TENM3: variants seen among roughly 807,000 people sequenced by gnomAD.
The protein encoded by TENM3 is teneurin transmembrane protein 3, also known as teneurin-3.
TENM3 carries 63 observed loss-of-function variants against 255.1 expected under a neutral mutation model. The observed-to-expected ratio is 0.25, with a 90% CI of 0.20 to 0.30. The LOEUF (loss-of-function observed/expected upper bound fraction) is 0.30. Among genes scored for constraint, TENM3 ranks in the 10% least tolerant of loss-of-function variants. The probability of loss-of-function intolerance (pLI) is 1.00; values close to 1 mark genes in which losing one functional copy is unlikely to be tolerated. For missense variants in TENM3, 2,929 were observed against 3,461.1 expected (o/e 0.85, Z 3.86); for synonymous variants, 1,306 against 1,322.3 (o/e 0.99, Z 0.27).
chr4:182,001,117 A>C, the TENM3 span, among the ~76,000 whole-genome samples: 1 of 151,546 alleles, frequency 6.6e-6, no homozygotes, highest in Admixed American at 6.6e-5. Context: ...TTTGTATTCA[A>C]ATCCCTATCT....
the TENM3 span, among the ~76,000 whole-genome samples, chr4:181,697,455 G>A: frequency 1.3e-5 from 2 of 152,224 alleles, no homozygotes; most frequent in South Asian, 2.1e-4. Context: ...GTGCAGTGGC[G>A]TGATCTTGGC....
chr4:181,569,043 A>C, the TENM3 span, among the ~76,000 whole-genome samples: 1 of 152,172 alleles, frequency 6.6e-6, no homozygotes, highest in Non-Finnish European at 1.5e-5. Flanking sequence ...AAAAGTAATA[A>C]AAGGTTTTTG....
intron 3 of TENM3, among the ~76,000 whole-genome samples, chr4:182,506,136 A>G (rs1281711008): frequency 6.6e-6 from 1 of 152,194 alleles, no homozygotes; most frequent in Non-Finnish European, 1.5e-5. Context: ...CTGAGCATGA[A>G]CAGTGTGTTG....
At chr4:182,285,401 C>T (rs760432035) in intron 1 of TENM3, among the ~76,000 whole-genome samples, 4 of 152,146 alleles carry the variant, frequency 2.6e-5, no homozygotes, top group Non-Finnish European at 5.9e-5. Flanking sequence ...TCCACATTTA[C>T]AGTCCACGTG....
chr4:182,364,461 GGCTGGAATGC>G (rs761281323), intron 3 of TENM3, among the ~76,000 whole-genome samples: 1 of 152,096 alleles, frequency 6.6e-6, no homozygotes, highest in Non-Finnish European at 1.5e-5. Context: ...CTGTCACCCA[GGCTGGAATGC>G]AGTGGCGCGA....
chr4:182,059,952 G>A, the TENM3 span, among the ~76,000 whole-genome samples: 5,015 of 151,234 alleles, frequency 0.033, 267 homozygotes, highest in African/African-American at 0.11. Context: ...AAAAATCCTA[G>A]TCTATAGAAT....
the TENM3 span, among the ~76,000 whole-genome samples, chr4:181,901,081 G>T: frequency 1.3e-5 from 2 of 152,274 alleles, no homozygotes; most frequent in East Asian, 1.9e-4. Flanking sequence ...TCAAGGGACA[G>T]GAAGAATTTG....
intron 1 of TENM3, among the ~76,000 whole-genome samples, chr4:182,283,560 G>T (rs1216301939): frequency 6.6e-6 from 1 of 152,170 alleles, no homozygotes; most frequent in Non-Finnish European, 1.5e-5. Context: ...TATCTGGTTG[G>T]CTCCCAAGAT....
At chr4:182,658,585 C>T (rs1753956176) in intron 6 of TENM3, among the ~76,000 whole-genome samples, 1 of 152,188 alleles carries the variant, frequency 6.6e-6, no homozygotes, top group African/African-American at 2.4e-5. Flanking sequence ...TCTTAAACTC[C>T]ACGTGTCTAA....
At chr4:181,536,891 G>A in the TENM3 span, among the ~76,000 whole-genome samples, 2 of 152,130 alleles carry the variant, frequency 1.3e-5, no homozygotes, top group Admixed American at 1.3e-4. Flanking sequence ...TATGGAATGA[G>A]GAAATAGGAA....
chr4:182,334,874 G>A (rs887618842), intron 2 of TENM3, among the ~76,000 whole-genome samples: 1 of 152,134 alleles, frequency 6.6e-6, no homozygotes, highest in Admixed American at 6.6e-5. Context: ...GGAATGACTT[G>A]AGCCATGAGT....
chr4:182,263,373 A>C (rs1198779025), intron 1 of TENM3, among the ~76,000 whole-genome samples: 1 of 151,948 alleles, frequency 6.6e-6, no homozygotes, highest in Non-Finnish European at 1.5e-5. Context: ...GAGGCGCTTG[A>C]CCTTGGGTTA....
chr4:182,107,617 G>A, the TENM3 span, among the ~76,000 whole-genome samples: 3 of 152,208 alleles, frequency 2.0e-5, no homozygotes, highest in South Asian at 2.1e-4. Context: ...TCCAGTGAAG[G>A]ATGAATCTGT....
At chr4:182,608,402 G>A (rs1748637304) in intron 4 of TENM3, among the ~76,000 whole-genome samples, 1 of 152,114 alleles carries the variant, frequency 6.6e-6, no homozygotes, top group African/African-American at 2.4e-5. Flanking sequence ...TGGACTACAG[G>A]TGTGGCATGG....
At chr4:181,474,998 A>G in the TENM3 span, among the ~76,000 whole-genome samples, 1 of 152,206 alleles carries the variant, frequency 6.6e-6, no homozygotes, top group African/African-American at 2.4e-5. Context: ...CTTAAAATGA[A>G]TAGCAGCATA....
chr4:182,015,423 C>T, the TENM3 span, among the ~76,000 whole-genome samples: 997 of 152,302 alleles, frequency 6.5e-3, 8 homozygotes, highest in African/African-American at 0.023. Flanking sequence ...CTTAGCTTTT[C>T]TCTGTTTGGA....
At chr4:181,895,605 T>G in the TENM3 span, among the ~76,000 whole-genome samples, 1 of 138,430 alleles carries the variant, frequency 7.2e-6, no homozygotes. Flanking sequence ...AGGGCAGTGG[T>G]GCAGTCATAG....
At chr4:182,438,125 G>A (rs1377120887) in intron 3 of TENM3, among the ~76,000 whole-genome samples, 1 of 152,106 alleles carries the variant, frequency 6.6e-6, no homozygotes, top group Non-Finnish European at 1.5e-5. Flanking sequence ...TACACAGCTG[G>A]TCAGAAGAAT....
chr4:181,961,107 A>G, the TENM3 span, among the ~76,000 whole-genome samples: 1 of 152,182 alleles, frequency 6.6e-6, no homozygotes, highest in African/African-American at 2.4e-5. Flanking sequence ...GCAATTATCC[A>G]TGGGCACCCA....
Sources: gnomAD v4.1 joint callset for allele counts (sites outside exome capture counted in the v4.1 genomes callset) on GRCh38, gnomAD v4.1.1 for gene constraint, MANE v1.5 for transcripts, NCBI Gene and HGNC (gene_info 2026-07-23, HGNC 2026-07-21) for gene names.